PDSS2: variants seen among roughly 807,000 people sequenced by gnomAD.
PDSS2 encodes all trans-polyprenyl-diphosphate synthase PDSS2.
Under a neutral mutation model 44.5 loss-of-function variants are expected in PDSS2, and 31 were observed. The ratio of observed to expected loss-of-function variants is 0.70; its 90% CI spans 0.52 to 0.94. The LOEUF is 0.94. Ranked by LOEUF, PDSS2 falls within the 40% of genes least tolerant of loss-of-function variation. The pLI is 0.00. For synonymous variants in PDSS2, 157 were observed against 180.3 expected (o/e 0.87, Z 1.03); for missense variants, 452 against 482.2 (o/e 0.94, Z 0.59).
chr6:107,245,697 TC>T, intron 3 of PDSS2, 78 bp from the exon 4 acceptor site: 1 of 933,128 alleles, frequency 1.1e-6, no homozygotes, highest in Non-Finnish European at 1.6e-6. Flanking sequence ...TTCAGAAGGC[TC>T]AGTGGCAAGG....
At chr6:107,183,765 C>T (rs1415183796) in intron 7 of PDSS2, among the ~76,000 whole-genome samples, 1 of 152,074 alleles carries the variant, frequency 6.6e-6, no homozygotes, top group African/African-American at 2.4e-5. Context: ...TGCAGTGGTG[C>T]ACACCTGTAG....
At chr6:107,186,740 G>C (rs997004790) in intron 7 of PDSS2, among the ~76,000 whole-genome samples, 8 of 152,112 alleles carry the variant, frequency 5.3e-5, no homozygotes, top group Non-Finnish European at 1.2e-4. Flanking sequence ...TTAGTTTGCT[G>C]AGAATGATGG....
At chr6:107,202,741 G>A (rs1038149657) in intron 6 of PDSS2, among the ~76,000 whole-genome samples, 11 of 152,120 alleles carry the variant, frequency 7.2e-5, no homozygotes, top group African/African-American at 2.6e-4. Context: ...AAAGCTAATC[G>A]ACTTTTAGAG....
intron 6 of PDSS2, among the ~76,000 whole-genome samples, chr6:107,199,371 G>A (rs566919415): frequency 1.4e-3 from 207 of 152,352 alleles, no homozygotes; most frequent in African/African-American, 3.9e-3. Flanking sequence ...TGTAATCACA[G>A]TTCACGGCAG....
Position 107,349,276 on chromosome 6 carries a change from C to CA in PDSS2, c.297-14945dup, listed in dbSNP as rs567650394. 7.1e-3 allele frequency among the ~76,000 whole-genome samples: 1,081 copies of CA among 151,960 alleles called. 18 individuals are homozygous for CA. The highest frequency in any genetic ancestry group is 0.025 in the African/African-American group (1,018 of 41,460). ...TGAAACCCCGTCTCTACTAAAAATA[C>CA]AAAAAAATTAGCTGGGCGTGGTGGC... On this transcript the variant is annotated intron_variant, in intron 1 of 7. Coordinates refer to ENST00000369037, the MANE Select transcript of PDSS2 (RefSeq NM_020381.4).
At chr6:107,209,483 G>A (rs1458813377) in intron 6 of PDSS2, among the ~76,000 whole-genome samples, 1 of 151,628 alleles carries the variant, frequency 6.6e-6, no homozygotes, top group East Asian at 1.9e-4. Flanking sequence ...TTTTAAGTTG[G>A]CAGCCAGCAT....
chr6:107,384,647 C>CAA lies in PDSS2; in HGVS notation c.297-50317_297-50316dup, dbSNP rs199758672. ...CAAAAGTGAGACTCTGTCTCAAAACCAAAAAAAAACACAAAAAAACAAAAA... is the reference window on the plus strand; with the variant it reads ...CAAAAGTGAGACTCTGTCTCAAAACCAAAAAAAAAAACACAAAAAAACAAAAA... On this transcript the variant is annotated intron_variant, in intron 1 of 7. Coordinates refer to ENST00000369037, the MANE Select transcript of PDSS2 (RefSeq NM_020381.4). 4.7e-3 allele frequency among the ~76,000 whole-genome samples: 595 copies of CAA among 125,766 alleles called. 3 individuals carry two copies. The highest frequency in any genetic ancestry group is 0.016 in the African/African-American group (548 of 34,384). 82.5% of individuals were successfully genotyped at this position (125,766 alleles called of 152,430 possible).
intron 3 of PDSS2, among the ~76,000 whole-genome samples, chr6:107,270,865 T>G (rs960698885): frequency 6.6e-6 from 1 of 152,218 alleles, no homozygotes. Flanking sequence ...ATTTGTAGAA[T>G]TAACTTAAAT....
chr6:107,296,906 A>G (rs1776527428), intron 2 of PDSS2, among the ~76,000 whole-genome samples: 1 of 152,174 alleles, frequency 6.6e-6, no homozygotes, highest in African/African-American at 2.4e-5. Flanking sequence ...CCTCATCACA[A>G]ATTTGAAACT....
chr6:107,294,410 A>T (rs1436869212), intron 2 of PDSS2, among the ~76,000 whole-genome samples: 1 of 151,780 alleles, frequency 6.6e-6, no homozygotes, highest in African/African-American at 2.4e-5. Context: ...TTTTTTTTTT[A>T]ATTAAAAAAA....
chr6:107,424,246 C>T lies in PDSS2; in HGVS notation c.296+34744G>A, dbSNP rs958389743. Among the ~76,000 whole-genome samples the T allele has an allele frequency of 2.6e-5, 4 of 151,750 alleles. No individual in the cohort carries two copies. The South Asian group carries it at 8.3e-4, about 32-fold the overall frequency. On this transcript the variant is annotated intron_variant, in intron 1 of 7. Coordinates refer to ENST00000369037, the MANE Select transcript of PDSS2 (RefSeq NM_020381.4). ...TTTATTTTTATAGAGATAGGATCTC[C>T]CTATGTTGCCCAGGCTGGTATCAAA...
At chr6:107,328,189 G>C (rs1413807016) in intron 2 of PDSS2, among the ~76,000 whole-genome samples, 2 of 152,198 alleles carry the variant, frequency 1.3e-5, no homozygotes, top group Non-Finnish European at 2.9e-5. Flanking sequence ...CATATTCTAT[G>C]TATGAGGCAC....
At chr6:107,400,555 G>A (rs1467209167) in intron 1 of PDSS2, among the ~76,000 whole-genome samples, 1 of 152,168 alleles carries the variant, frequency 6.6e-6, no homozygotes, top group Admixed American at 6.5e-5. Flanking sequence ...TGACTTGGCT[G>A]GCTGTCTCAG....
intron 2 of PDSS2, among the ~76,000 whole-genome samples, chr6:107,276,976 G>A (rs935022324): frequency 6.6e-6 from 1 of 152,186 alleles, no homozygotes; most frequent in African/African-American, 2.4e-5. Context: ...CAAAGGAACA[G>A]TCCAGCCAAA....
At chr6:107,374,582 G>T (rs573174206) in intron 1 of PDSS2, among the ~76,000 whole-genome samples, 1 of 152,302 alleles carries the variant, frequency 6.6e-6, no homozygotes, top group South Asian at 2.1e-4. Context: ...GGAGGCTAGG[G>T]CATAAAATGC....
intron 7 of PDSS2, among the ~76,000 whole-genome samples, chr6:107,187,533 C>T (rs549388615): frequency 6.6e-6 from 1 of 151,998 alleles, no homozygotes; most frequent in Admixed American, 6.6e-5. Flanking sequence ...GGTGTGGTGG[C>T]GCATGCCTAT....
intron 1 of PDSS2, among the ~76,000 whole-genome samples, chr6:107,406,040 T>C (rs2114623788): frequency 6.6e-6 from 1 of 152,278 alleles, no homozygotes; most frequent in African/African-American, 2.4e-5. Context: ...TTGTACCTCC[T>C]ATATTAATAC....
At chr6:107,347,743 T>C (rs1193123595) in intron 1 of PDSS2, among the ~76,000 whole-genome samples, 1 of 152,198 alleles carries the variant, frequency 6.6e-6, no homozygotes, top group Non-Finnish European at 1.5e-5. Context: ...TCCAGGAACA[T>C]ACTAAAGTAA....
At chr6:107,357,166 A>G (rs1290097649) in intron 1 of PDSS2, among the ~76,000 whole-genome samples, 2 of 152,158 alleles carry the variant, frequency 1.3e-5, no homozygotes, top group African/African-American at 2.4e-5. Flanking sequence ...GTGCTAGGAC[A>G]CAGCATCACA....
Sources: gnomAD v4.1 joint callset for allele counts (sites outside exome capture counted in the v4.1 genomes callset) on GRCh38, gnomAD v4.1.1 for gene constraint, MANE v1.5 for transcripts, NCBI Gene and HGNC (gene_info 2026-07-23, HGNC 2026-07-21) for gene names.